The following EXT2 variants were observed in gnomAD, a reference collection of about 807,000 sequenced individuals.
The protein encoded by EXT2 is exostosin-2.
Under a neutral mutation model 81.6 loss-of-function variants are expected in EXT2, and 53 were observed. That is an observed-to-expected ratio of 0.65 (90% CI 0.52 to 0.82). The LOEUF is 0.82. Ranked by LOEUF, EXT2 falls within the 40% of genes least tolerant of loss-of-function variation. EXT2 has a pLI of 0.00. For missense variants in EXT2, 774 were observed against 910.2 expected (o/e 0.85, Z 1.93); for synonymous variants, 320 against 340.0 (o/e 0.94, Z 0.65).
At chr11:44,234,674 G>A (rs976434796) in intron 12 of EXT2, among the ~76,000 whole-genome samples, 3 of 151,670 alleles carry the variant, frequency 2.0e-5, no homozygotes, top group South Asian at 2.1e-4. Context: ...TAAACACAAC[G>A]AATTTAATTG....
intron 8 of EXT2, among the ~76,000 whole-genome samples, chr11:44,174,008 A>G (rs1044916021): frequency 6.6e-6 from 1 of 152,234 alleles, no homozygotes; most frequent in Admixed American, 6.5e-5. Context: ...GATATTAACA[A>G]ATTGCCCTTT....
chr11:44,126,002 CT>C (rs746623854), intron 5 of EXT2, among the ~76,000 whole-genome samples: 1 of 152,168 alleles, frequency 6.6e-6, no homozygotes, highest in Non-Finnish European at 1.5e-5. Flanking sequence ...TTTTTCTGAA[CT>C]TTCCTTTTCT....
At chr11:44,126,534 T>C (rs1269612498) in intron 5 of EXT2, among the ~76,000 whole-genome samples, 1 of 152,194 alleles carries the variant, frequency 6.6e-6, no homozygotes, top group African/African-American at 2.4e-5. Context: ...TTGTTAGCTG[T>C]CTAAGGGAAG....
At chr11:44,193,201 A>C (rs1015658845) in intron 8 of EXT2, among the ~76,000 whole-genome samples, 2 of 152,218 alleles carry the variant, frequency 1.3e-5, no homozygotes, top group Admixed American at 6.5e-5. Context: ...TGATAAGGTA[A>C]AGAGAGGGAG....
At chr11:44,146,650 T>C (rs964389244) in intron 7 of EXT2, among the ~76,000 whole-genome samples, 3 of 152,232 alleles carry the variant, frequency 2.0e-5, no homozygotes, top group African/African-American at 2.4e-5. Flanking sequence ...GTGGGACTTC[T>C]ACTCATGGTT....
intron 10 of EXT2, among the ~76,000 whole-genome samples, chr11:44,208,114 G>A (rs1955605485): frequency 1.3e-5 from 2 of 151,970 alleles, no homozygotes; most frequent in Admixed American, 1.3e-4. Context: ...CTAGGGTGTT[G>A]GATGATATTT....
At chr11:44,186,309 G>A (rs1027834036) in intron 8 of EXT2, among the ~76,000 whole-genome samples, 16 of 152,266 alleles carry the variant, frequency 1.1e-4, no homozygotes, top group Non-Finnish European at 1.9e-4. Flanking sequence ...ATTATTAAAA[G>A]TATCAGCATA....
At chr11:44,198,933 CTGTT>C (rs1470981690) in intron 9 of EXT2, among the ~76,000 whole-genome samples, 1 of 152,148 alleles carries the variant, frequency 6.6e-6, no homozygotes, top group Non-Finnish European at 1.5e-5. Context: ...ATTTCTGGCT[CTGTT>C]AGGCAAATCA....
intron 1 of EXT2, chr11:44,096,120 C>T (rs1032888653): frequency 1.2e-6 from 1 of 843,938 alleles, no homozygotes; most frequent in African/African-American, 1.7e-5. Context: ...CCCACCTGTT[C>T]TCCTAGCCAA....
chr11:44,175,413 T>C (rs1328293939), intron 8 of EXT2, among the ~76,000 whole-genome samples: 2 of 151,864 alleles, frequency 1.3e-5, no homozygotes, highest in African/African-American at 2.4e-5. Flanking sequence ...TCCTGTTCTC[T>C]TTCAAAGAGT....
intron 7 of EXT2, among the ~76,000 whole-genome samples, chr11:44,156,620 C>T (rs1383532535): frequency 6.6e-6 from 1 of 152,208 alleles, no homozygotes; most frequent in African/African-American, 2.4e-5. Context: ...TGAATTCCTT[C>T]TCTCTGTTGT....
chr11:44,239,276 A>G (rs2135273670), intron 13 of EXT2, among the ~76,000 whole-genome samples: 1 of 152,212 alleles, frequency 6.6e-6, no homozygotes, highest in East Asian at 1.9e-4. Context: ...GGGAGAGATT[A>G]GAGTGAACTG....
chr11:44,179,490 G>T lies in EXT2; in HGVS notation c.1305+7748G>T, dbSNP rs577012402. Among the ~76,000 whole-genome samples the T allele has an allele frequency of 2.0e-5, 3 of 152,348 alleles. No individual in the cohort carries two copies. In the South Asian group the frequency reaches 6.2e-4, roughly 32 times the overall value. ...GAATAGTTTTTCAGAGTCCGTGGGA[G>T]CTTGATCTGGCAGCAGATTAATTAA... On this transcript the variant is annotated intron_variant, in intron 8 of 13. Coordinates refer to ENST00000533608, the MANE Select transcript of EXT2 (RefSeq NM_207122.2).
intron 1 of EXT2, chr11:44,096,120 C>A (rs1032888653): frequency 7.1e-5 from 60 of 843,938 alleles, no homozygotes; most frequent in Non-Finnish European, 1.2e-5. Flanking sequence ...CCCACCTGTT[C>A]TCCTAGCCAA....
intron 10 of EXT2, among the ~76,000 whole-genome samples, chr11:44,211,834 A>G (rs934208253): frequency 2.6e-5 from 4 of 152,206 alleles, no homozygotes; most frequent in Non-Finnish European, 4.4e-5. Flanking sequence ...GCTCTTCTAC[A>G]ATGTAAATGT....
In EXT2 at chr11:44,247,928, G is replaced by A. The variant is rs936907235; in HGVS notation, c.*3641G>A. Among the ~76,000 whole-genome samples, 1 of 152,210 alleles carries A rather than the reference G, an allele frequency of 6.6e-6. No individual in the cohort carries two copies. The highest frequency in any genetic ancestry group is 1.5e-5 in the Non-Finnish European group (1 of 68,040). On this transcript the variant is annotated 3_prime_UTR_variant, in exon 14 of 14. Coordinates refer to ENST00000533608, the MANE Select transcript of EXT2 (RefSeq NM_207122.2). ...TTGAGGTTAAAATCCAAGAACCTTTGATAGTTTTCAGCCAAGATAGTAATC... is the reference window on the plus strand; with the variant it reads ...TTGAGGTTAAAATCCAAGAACCTTTAATAGTTTTCAGCCAAGATAGTAATC...
intron 9 of EXT2, 51 bp from the exon 10 acceptor site, chr11:44,206,742 A>G: frequency 1.3e-6 from 2 of 1,589,348 alleles, no homozygotes; most frequent in South Asian, 1.1e-5. Context: ...TTACTACTTT[A>G]TCTCCTCACA....
intron 7 of EXT2, 133 bp downstream of exon 7, chr11:44,130,271 C>T (rs1412670593): frequency 4.9e-5 from 36 of 730,574 alleles, no homozygotes; most frequent in South Asian, 2.8e-4. Context: ...CAAACTGAAA[C>T]GATAGGAAAT....
chr11:44,202,771 C>G (rs1328595252), intron 9 of EXT2, among the ~76,000 whole-genome samples: 1 of 152,176 alleles, frequency 6.6e-6, no homozygotes, highest in Non-Finnish European at 1.5e-5. Context: ...AAGATGGTGT[C>G]ATTGTTATTC....
Sources: allele counts gnomAD v4.1 joint callset (sites outside exome capture counted in the v4.1 genomes callset), GRCh38; gene constraint gnomAD v4.1.1; transcripts MANE v1.5; gene names NCBI Gene and HGNC (gene_info 2026-07-23, HGNC 2026-07-21).